Variants in EPB41 observed in about 807,000 individuals in gnomAD.
The protein encoded by EPB41 is protein 4.1.
In EPB41, 65 loss-of-function variants were observed where a neutral mutation model predicts 108.0. The observed-to-expected ratio is 0.60, with a 90% CI of 0.49 to 0.74. The LOEUF is 0.74. EPB41 is among the 30% of genes least tolerant of loss of function. The pLI is 0.00. For missense variants in EPB41, 875 were observed against 1,037.0 expected, an observed-to-expected ratio of 0.84 and a Z score of 2.15; for synonymous variants, 336 against 358.9, an observed-to-expected ratio of 0.94 and a Z score of 0.72.
chr1:29,114,981 G>A (rs910701823), intron 19 of EPB41, among the ~76,000 whole-genome samples: 10 of 151,676 alleles, frequency 6.6e-5, no homozygotes, highest in East Asian at 3.8e-4. Flanking sequence ...TTCCTCTCCC[G>A]TCCTGAACTT....
intron 16 of EPB41, chr1:29,069,517 C>A: frequency 9.8e-7 from 1 of 1,020,808 alleles, no homozygotes; most frequent in Non-Finnish European, 1.2e-6. Context: ...CTTTTGCAAT[C>A]TTTAAAATGT....
At chr1:28,959,191 C>T (rs948782310) in intron 1 of EPB41, among the ~76,000 whole-genome samples, 5 of 143,908 alleles carry the variant, frequency 3.5e-5, no homozygotes, top group Admixed American at 7.0e-5. Context: ...GTAGCTACTA[C>T]GGAGCCTTTA....
chr1:29,030,627 T>TAGA (rs2096776388), intron 8 of EPB41, 140 bp downstream of exon 8: 2 of 723,212 alleles, frequency 2.8e-6, no homozygotes, highest in African/African-American at 3.5e-5. Flanking sequence ...AAAGAGATAG[T>TAGA]AGACTGGGCA....
At chr1:29,064,960 A>G (rs201796188) in intron 15 of EPB41, 22 bp from the exon 16 acceptor site, 49 of 1,613,528 alleles carry the variant, frequency 3.0e-5, no homozygotes, top group Non-Finnish European at 4.1e-5. Context: ...ATTGTTTTGC[A>G]TCTTTGTCCT....
In EPB41 at chr1:29,064,992, A is replaced by G. The variant is rs767844269; in HGVS notation, c.2018A>G (p.Lys673Arg). Reference protein sequence around the residue: ...HSNLMLEDLDKSQEEIKKHHA... With the variant: ...HSNLMLEDLDRSQEEIKKHHA... ...TCCTTTCAACTGTAGGATTTAGACAAGAGTCAAGAGGAGATCAAAAAACAT... is the reference window on the plus strand; with the variant it reads ...TCCTTTCAACTGTAGGATTTAGACAGGAGTCAAGAGGAGATCAAAAAACAT... The change falls in exon 16 of 21, where the codon AAG becomes AGG. Residue 673 changes from lysine (K) to arginine (R), a missense_variant. Around this residue, in one of 3 missense-constraint regions of EPB41, gnomAD observed 519 missense variants for 627.3 expected, o/e 0.83. Coordinates refer to ENST00000343067, the MANE Select transcript of EPB41 (RefSeq NM_001376013.1). 6 of 1,614,088 alleles carry G rather than the reference A, an allele frequency of 3.7e-6. No homozygotes were observed. In the South Asian group the frequency reaches 5.5e-5, roughly 15 times the overall value.
intron 16 of EPB41, chr1:29,096,532 T>G (rs1006471523): frequency 1.0e-6 from 1 of 985,720 alleles, no homozygotes; most frequent in African/African-American, 1.7e-5. Flanking sequence ...GAGAGCCACC[T>G]GGAAAACAAA....
intron 4 of EPB41, among the ~76,000 whole-genome samples, chr1:28,999,322 A>G (rs1490293747): frequency 1.3e-5 from 2 of 152,186 alleles, no homozygotes; most frequent in Non-Finnish European, 2.9e-5. Flanking sequence ...GTGAGCCGAG[A>G]TTGTGCTACT....
At chr1:28,892,229 C>A (rs931429306) in intron 1 of EPB41, among the ~76,000 whole-genome samples, 1 of 152,110 alleles carries the variant, frequency 6.6e-6, no homozygotes, top group Non-Finnish European at 1.5e-5. Flanking sequence ...TGGTACCCCT[C>A]ACCCATGCTG....
intron 10 of EPB41, among the ~76,000 whole-genome samples, chr1:29,037,672 G>T (rs1433223476): frequency 4.0e-5 from 6 of 151,714 alleles, no homozygotes; most frequent in Non-Finnish European, 8.8e-5. Flanking sequence ...AAGTAGCTGG[G>T]ACTATAGATG....
intron 1 of EPB41, among the ~76,000 whole-genome samples, chr1:28,920,762 C>T (rs1404232804): frequency 6.6e-6 from 1 of 152,086 alleles, no homozygotes; most frequent in African/African-American, 2.4e-5. Context: ...ACCTCAGCCT[C>T]CTGAGTAGCT....
chr1:29,116,607 G>A (rs993829569), intron 20 of EPB41, among the ~76,000 whole-genome samples: 4 of 152,162 alleles, frequency 2.6e-5, no homozygotes, highest in African/African-American at 9.7e-5. Context: ...GAGCAGGGAA[G>A]CTGCTTTTTG....
In EPB41 at chr1:29,097,961, A is replaced by G. The variant is rs562068990; in HGVS notation, c.2313+26A>G. 5.6e-6 allele frequency: 9 copies of G among 1,613,936 alleles called. No individual in the cohort carries two copies. In the African/African-American group the frequency reaches 8.0e-5, roughly 14 times the overall value. ...GTAGGACATGTTTTGATGCTTCAGA[A>G]CCAAAGGCTGCAAACAAAATTAATA... On this transcript the variant is annotated intron_variant, in intron 17 of 20. Coordinates refer to ENST00000343067, the MANE Select transcript of EPB41 (RefSeq NM_001376013.1).
intron 1 of EPB41, among the ~76,000 whole-genome samples, chr1:28,919,099 T>C (rs2092889823): frequency 6.6e-6 from 1 of 152,232 alleles, no homozygotes; most frequent in Non-Finnish European, 1.5e-5. Context: ...ATATTTTATA[T>C]TGAGTGCTGA....
At chr1:29,083,190 C>T (rs1158721188) in intron 16 of EPB41, among the ~76,000 whole-genome samples, 5 of 148,722 alleles carry the variant, frequency 3.4e-5, no homozygotes, top group East Asian at 2.0e-4. Context: ...AAAAAAAAGG[C>T]GAGAGAGGGT....
At chr1:29,108,235 G>T (rs1310518389) in intron 17 of EPB41, among the ~76,000 whole-genome samples, 1 of 145,860 alleles carries the variant, frequency 6.9e-6, no homozygotes, top group Non-Finnish European at 1.5e-5. Flanking sequence ...CACAACCTCT[G>T]CCTCCTGGGT....
intron 1 of EPB41, among the ~76,000 whole-genome samples, chr1:28,897,990 G>T (rs953800777): frequency 6.6e-6 from 1 of 152,104 alleles, no homozygotes; most frequent in Non-Finnish European, 1.5e-5. Flanking sequence ...GGGCTTTGAA[G>T]GATGAGTAAG....
At chr1:29,090,352 TG>T (rs1345868723) in intron 16 of EPB41, among the ~76,000 whole-genome samples, 6 of 152,292 alleles carry the variant, frequency 3.9e-5, no homozygotes, top group Admixed American at 3.3e-4. Context: ...ACATAATCTC[TG>T]GGGGTTAGCG....
At chr1:29,035,275 G>C (rs1413297523) in intron 9 of EPB41, among the ~76,000 whole-genome samples, 1 of 152,098 alleles carries the variant, frequency 6.6e-6, no homozygotes, top group African/African-American at 2.4e-5. Context: ...AAGCCACCGT[G>C]CCTGGCAGGT....
intron 1 of EPB41, among the ~76,000 whole-genome samples, chr1:28,904,765 G>C (rs2091631119): frequency 1.3e-5 from 2 of 152,252 alleles, no homozygotes; most frequent in African/African-American, 4.8e-5. Context: ...CAGCCGTGGT[G>C]GCTCATGCCT....
Sources: gnomAD v4.1 joint callset for allele counts (sites outside exome capture counted in the v4.1 genomes callset) on GRCh38, gnomAD v4.1.1 for gene constraint, gnomAD v4.1.1 regional missense constraint, MANE v1.5 for transcripts, NCBI Gene and HGNC (gene_info 2026-07-23, HGNC 2026-07-21) for gene names.